Variants in MOB3B observed in about 807,000 individuals in gnomAD.
MOB3B encodes the protein MOB kinase activator-like 2B.
A neutral mutation model predicts 18.7 loss-of-function variants in MOB3B; 7 were observed. The ratio of observed to expected loss-of-function variants is 0.37; its 90% confidence interval spans 0.21 to 0.70. The LOEUF is 0.70. Among genes scored for constraint, MOB3B ranks in the 30% least tolerant of loss-of-function variants. The pLI, the probability that MOB3B is intolerant of heterozygous loss-of-function variation, is 0.52. For synonymous variants in MOB3B, 111 were observed against 99.9 expected, an observed-to-expected ratio of 1.11 and a Z score of -0.66; for missense variants, 253 against 281.3, an observed-to-expected ratio of 0.90 and a Z score of 0.72.
At chr9:27,476,468 T>A (rs1463982508) in intron 1 of MOB3B, among the ~76,000 whole-genome samples, 2 of 152,162 alleles carry the variant, frequency 1.3e-5, no homozygotes, top group Admixed American at 6.5e-5. Context: ...ATCTCCAAAT[T>A]TTCCCTTTTT....
chr9:27,510,561 G>A (rs1009597358), intron 1 of MOB3B, among the ~76,000 whole-genome samples: 5 of 152,136 alleles, frequency 3.3e-5, no homozygotes, highest in Admixed American at 2.0e-4. Context: ...CAGGTGCCTT[G>A]CTGCAAGATA....
intron 3 of MOB3B, among the ~76,000 whole-genome samples, chr9:27,357,124 A>ATATATATATATATATATATATG (rs1821200940): frequency 2.6e-5 from 2 of 77,334 alleles, no homozygotes; most frequent in East Asian, 4.3e-4. Context: ...TAATGCAAAT[A>ATATATATATATATATATATATG]TATATATATA....
intron 2 of MOB3B, among the ~76,000 whole-genome samples, chr9:27,426,848 C>A (rs908429884): frequency 2.0e-5 from 3 of 152,182 alleles, no homozygotes; most frequent in African/African-American, 7.2e-5. Flanking sequence ...CCTCCACCCC[C>A]ATGTGCTTAA....
intron 2 of MOB3B, among the ~76,000 whole-genome samples, chr9:27,366,443 C>T (rs1821343330): frequency 6.6e-6 from 1 of 152,200 alleles, no homozygotes; most frequent in Non-Finnish European, 1.5e-5. Flanking sequence ...AGCCCTCAAA[C>T]ATCTCATTCA....
At chr9:27,335,578 CT>C (rs1465565435) in intron 3 of MOB3B, among the ~76,000 whole-genome samples, 3 of 152,166 alleles carry the variant, frequency 2.0e-5, no homozygotes, top group Non-Finnish European at 4.4e-5. Context: ...GATGCTGTTC[CT>C]GATCTAGACT....
At chr9:27,331,366 G>A (rs2131329078) in intron 3 of MOB3B, among the ~76,000 whole-genome samples, 1 of 152,198 alleles carries the variant, frequency 6.6e-6, no homozygotes, top group East Asian at 1.9e-4. Context: ...TTACCTGCTG[G>A]GAGACCTTCC....
chr9:27,499,393 C>T (rs1338736344), intron 1 of MOB3B, among the ~76,000 whole-genome samples: 9 of 152,238 alleles, frequency 5.9e-5, no homozygotes, highest in East Asian at 1.9e-4. Context: ...AGAGTCATCA[C>T]GTAAACAAAT....
chr9:27,452,182 A>T (rs1822800488), intron 2 of MOB3B, among the ~76,000 whole-genome samples: 1 of 151,616 alleles, frequency 6.6e-6, no homozygotes, highest in East Asian at 1.9e-4. Flanking sequence ...TTATTTTTCC[A>T]TCCAAACATC....
At chr9:27,423,162 G>A (rs889168305) in intron 2 of MOB3B, among the ~76,000 whole-genome samples, 10 of 152,102 alleles carry the variant, frequency 6.6e-5, no homozygotes, top group South Asian at 2.1e-4. Context: ...CCTGTGACTC[G>A]GGTTCAGTCA....
intron 1 of MOB3B, among the ~76,000 whole-genome samples, chr9:27,510,521 T>C (rs541516161): frequency 6.6e-6 from 1 of 152,212 alleles, no homozygotes; most frequent in South Asian, 2.1e-4. Flanking sequence ...GTCAAATAAG[T>C]TTATTATATT....
intron 3 of MOB3B, among the ~76,000 whole-genome samples, chr9:27,342,268 C>T (rs1382468435): frequency 6.6e-6 from 1 of 152,184 alleles, no homozygotes; most frequent in Non-Finnish European, 1.5e-5. Flanking sequence ...AGCTGCCTTT[C>T]CAAAACTGAC....
intron 2 of MOB3B, among the ~76,000 whole-genome samples, chr9:27,382,289 G>A (rs1455037577): frequency 6.6e-6 from 1 of 152,172 alleles, no homozygotes; most frequent in Non-Finnish European, 1.5e-5. Context: ...ACACCCAGCT[G>A]TGTGGAACAA....
At chr9:27,403,693 C>T (rs1035493152) in intron 2 of MOB3B, among the ~76,000 whole-genome samples, 2 of 151,958 alleles carry the variant, frequency 1.3e-5, no homozygotes, top group African/African-American at 4.8e-5. Flanking sequence ...GCTGGCCAGG[C>T]TGGTCCTGAA....
chr9:27,501,332 C>G (rs1044795993), intron 1 of MOB3B, among the ~76,000 whole-genome samples: 2 of 152,074 alleles, frequency 1.3e-5, no homozygotes, highest in African/African-American at 4.8e-5. Flanking sequence ...TTCACAATAA[C>G]AAAGACTTGG....
chr9:27,492,773 C>T (rs1257527450), intron 1 of MOB3B, among the ~76,000 whole-genome samples: 2 of 152,176 alleles, frequency 1.3e-5, no homozygotes, highest in Non-Finnish European at 2.9e-5. Context: ...AGCATGCTTT[C>T]AGGGATATGT....
chr9:27,379,199 T>C (rs1488297412), intron 2 of MOB3B, among the ~76,000 whole-genome samples: 1 of 152,176 alleles, frequency 6.6e-6, no homozygotes, highest in Admixed American at 6.5e-5. Flanking sequence ...CTGCATTGCT[T>C]CTCAGCAGAG....
At chr9:27,459,781 T>G (rs1019629585) in intron 1 of MOB3B, among the ~76,000 whole-genome samples, 1 of 150,486 alleles carries the variant, frequency 6.6e-6, no homozygotes, top group African/African-American at 2.4e-5. Context: ...GGGCAGCTGC[T>G]GCTATTGCGG....
At chr9:27,392,548 T>C (rs1821741075) in intron 2 of MOB3B, among the ~76,000 whole-genome samples, 2 of 151,986 alleles carry the variant, frequency 1.3e-5, no homozygotes, top group Non-Finnish European at 2.9e-5. Context: ...AAGGGCATTT[T>C]TGCACCACAA....
intron 2 of MOB3B, among the ~76,000 whole-genome samples, chr9:27,409,183 G>C (rs540069854): frequency 1.4e-4 from 22 of 152,164 alleles, no homozygotes; most frequent in African/African-American, 5.3e-4. Flanking sequence ...GTCTTACTAC[G>C]TGCCAGTTAT....
Sources: allele counts gnomAD v4.1 joint callset (sites outside exome capture counted in the v4.1 genomes callset), GRCh38; gene constraint gnomAD v4.1.1; transcripts MANE v1.5; gene names NCBI Gene and HGNC (gene_info 2026-07-23, HGNC 2026-07-21).